Variants in ZNF593OS observed in about 807,000 individuals in gnomAD.
The protein encoded by ZNF593OS is transmembrane protein ZNF593OS.
exon 2 of ZNF593OS, chr1:26,170,844 G>GC: frequency 8.1e-7 from 1 of 1,234,056 alleles, no homozygotes; most frequent in Non-Finnish European, 1.1e-6. Flanking sequence ...TTGGTGCCCT[G>GC]CCCCAAATAA....
chr1:26,169,554 T>C (rs1569859636), downstream of ZNF593OS: 1 of 183,360 alleles, frequency 5.5e-6, no homozygotes, highest in East Asian at 1.4e-4. Flanking sequence ...CACAGACATT[T>C]ATCAGTGCTT....
chr1:26,170,000 G>A (rs2232649), downstream of ZNF593OS: 1,545 of 1,551,546 alleles, frequency 1.0e-3, 13 homozygotes, highest in African/African-American at 0.017. Context: ...CGCTCCCGCC[G>A]GACAGGCGCG....
At chr1:26,170,958 T>G in exon 2 of ZNF593OS, 1 of 596,870 alleles carries the variant, frequency 1.7e-6, no homozygotes, top group South Asian at 2.2e-5. Flanking sequence ...ACACCAGGCC[T>G]AGGGTGTCTA....
At position 26,171,399 on chromosome 1, in the gene ZNF593OS, G is replaced by C; in HGVS notation, c.46-64C>G. ...AGACTGCCAGGAAGGTGGGGAGTGG[G>C]AAAGGGCTGAGTAGATGTAGCTAGG... On this transcript the variant is annotated intron_variant, in intron 1 of 1. Transcript: ENST00000648649. This position sits in a 1 kb window ranked among gnomAD's most constrained non-coding sequence, Gnocchi z 5.5. The C allele has an allele frequency of 2.5e-6, 1 of 399,484 alleles. No individual in the cohort carries two copies. The highest frequency in any genetic ancestry group is 4.4e-6 in the Non-Finnish European group (1 of 226,736). 24.7% of individuals were successfully genotyped at this position (399,484 alleles called of 1,614,324 possible). A position where few individuals can be genotyped will look rare whatever the true frequency, so the allele number is the denominator to read the frequency against.
chr1:26,170,867 A>C lies in ZNF593OS; in HGVS notation c.*322T>G, dbSNP rs1332479988. On this transcript the variant is annotated 3_prime_UTR_variant, in exon 2 of 2. Transcript: ENST00000648649. ...CTGCCCCAAATAAAGGAACTGGACA[A>C]AGAGAACTTGCCTCCAACTCTAACT... The C allele has an allele frequency of 5.8e-5, 58 of 1,003,206 alleles. 2 individuals are homozygous for C. The South Asian group carries it at 9.3e-4, about 16-fold the overall frequency. The allele number at this position is 1,003,206 out of a possible 1,614,324, so 62.1% of individuals were successfully genotyped here.
exon 2 of ZNF593OS, chr1:26,170,543 C>T: frequency 3.1e-6 from 5 of 1,614,124 alleles, no homozygotes; most frequent in Non-Finnish European, 3.4e-6. Context: ...CTCACCTGGT[C>T]AGCTCCCAAC....
chr1:26,169,929 AC>A (rs769766447), downstream of ZNF593OS: 83 of 1,482,300 alleles, frequency 5.6e-5, no homozygotes, highest in Non-Finnish European at 7.3e-5. Context: ...AAGTGCTCAC[AC>A]GTGTGCTCCC....
downstream of ZNF593OS, chr1:26,170,320 C>T: frequency 6.5e-7 from 1 of 1,533,990 alleles, no homozygotes. Context: ...GTTTCTCAGA[C>T]CCGGATCCTG....
At chr1:26,169,693 C>T, downstream of ZNF593OS, 1 of 483,680 alleles carries the variant, frequency 2.1e-6, no homozygotes. Context: ...GCAAGACGGC[C>T]CCGAAACCCC....
rs200932304 is a variant in ZNF593OS at position 26,170,601 on chromosome 1, A to G, written c.*588T>C. ...CTGAAGCAGCTGAGCGTCGAGCCCT[A>G]CAGTCAGGAAGAGGCGGAGAGGGCA... On this transcript the variant is annotated 3_prime_UTR_variant, in exon 2 of 2. Coordinates refer to ENST00000648649, the Ensembl canonical transcript of ZNF593OS. 16 of 1,613,636 alleles carry G rather than the reference A, an allele frequency of 9.9e-6. No homozygotes were observed. The highest frequency in any genetic ancestry group is 1.4e-5 in the Non-Finnish European group (16 of 1,180,026).
chr1:26,170,305 C>T (rs2088474584), downstream of ZNF593OS: 2 of 1,526,082 alleles, frequency 1.3e-6, no homozygotes, highest in East Asian at 2.3e-5. Flanking sequence ...GTCCGCCCGC[C>T]TCCCGTTTCT....
chr1:26,170,629 G>A (rs1557614126), exon 2 of ZNF593OS: 36 of 1,613,356 alleles, frequency 2.2e-5, no homozygotes, highest in Non-Finnish European at 3.0e-5. Flanking sequence ...AGAGGGCAGC[G>A]GGTATGGGAT....
chr1:26,170,299 G>A, downstream of ZNF593OS: 11 of 1,519,384 alleles, frequency 7.2e-6, no homozygotes, highest in South Asian at 1.2e-5. Context: ...CCGTGGGTCC[G>A]CCCGCCTCCC....
At position 26,171,742 on chromosome 1, in the gene ZNF593OS, T is replaced by G; in HGVS notation, c.-81A>C. 2.5e-6 allele frequency: 1 copy of G among 397,752 alleles called. No homozygotes were observed. The highest frequency in any genetic ancestry group is 1.3e-4 in the South Asian group (1 of 7,766). The allele number at this position is 397,752 out of a possible 1,614,324, so 24.6% of individuals were successfully genotyped here. On this transcript the variant is annotated 5_prime_UTR_variant, in exon 1 of 2. Coordinates refer to ENST00000648649, the Ensembl canonical transcript of ZNF593OS. This position sits in a 1 kb window ranked among gnomAD's most constrained non-coding sequence, Gnocchi z 5.5. ...CAGTGGTCTTCATGACACCAAGAAGTGGAAACTAGGGTAGAGGGGTCTCTG... is the reference window on the plus strand; with the variant it reads ...CAGTGGTCTTCATGACACCAAGAAGGGGAAACTAGGGTAGAGGGGTCTCTG...
rs2088497374 is a variant in ZNF593OS at position 26,171,529 on chromosome 1, C to T, written c.45+88G>A. The T allele has an allele frequency of 2.5e-6, 1 of 398,684 alleles. No individual in the cohort carries two copies. The highest frequency in any genetic ancestry group is 3.6e-5 in the East Asian group (1 of 28,074). 24.7% of individuals were successfully genotyped at this position (398,684 alleles called of 1,614,324 possible). Reference sequence around the variant, plus strand: ...CCTGCTCAGGCGGCAGGGAACGTGACAGCCTGGCTGTTGGGGGTGTCAACC... The same window carrying T: ...CCTGCTCAGGCGGCAGGGAACGTGATAGCCTGGCTGTTGGGGGTGTCAACC... On this transcript the variant is annotated intron_variant, in intron 1 of 1. Transcript: ENST00000648649. This position sits in a 1 kb window ranked among gnomAD's most constrained non-coding sequence, Gnocchi z 5.5.
downstream of ZNF593OS, chr1:26,170,207 T>C (rs1376043200): frequency 8.9e-6 from 14 of 1,578,454 alleles, no homozygotes; most frequent in Non-Finnish European, 1.1e-5. Flanking sequence ...GAGCCCGGCC[T>C]GGGGCGGAGG....
At chr1:26,170,202 C>T (rs1454114907), downstream of ZNF593OS, 4 of 1,574,794 alleles carry the variant, frequency 2.5e-6, no homozygotes, top group Non-Finnish European at 3.4e-6. Flanking sequence ...CGGACGAGCC[C>T]GGCCTGGGGC....
chr1:26,171,061 G>A lies in ZNF593OS; in HGVS notation c.*128C>T. On this transcript the variant is annotated 3_prime_UTR_variant, in exon 2 of 2. Transcript: ENST00000648649. The surrounding 1 kb of genome is among the most constrained non-coding windows in gnomAD (Gnocchi z 5.5). ...AGGCCTGATGCAGTGTGGGGTGGCG[G>A]GAGTGGGATCAGATTACTCTGTCCT... 2.1e-6 allele frequency: 1 copy of A among 482,472 alleles called. No homozygotes were observed. The highest frequency in any genetic ancestry group is 3.7e-5 in the Admixed American group (1 of 27,376). 29.9% of individuals were successfully genotyped at this position (482,472 alleles called of 1,614,324 possible). A position where few individuals can be genotyped will look rare whatever the true frequency, so the allele number is the denominator to read the frequency against.
At chr1:26,169,932 T>TGTGCTCCCTGCC, downstream of ZNF593OS, 1 of 1,491,062 alleles carries the variant, frequency 6.7e-7, no homozygotes, top group South Asian at 1.3e-5. Context: ...TGCTCACACG[T>TGTGCTCCCTGCC]GTGCTCCCTG....
Sources: gnomAD v4.1 joint callset for allele counts on GRCh38, gnomAD v4.1.1 for gene constraint, Gnocchi (gnomAD v3.1) non-coding constraint, MANE v1.5 for transcripts, NCBI Gene and HGNC (gene_info 2026-07-23, HGNC 2026-07-21) for gene names.